Variants in DGKB observed in about 807,000 individuals in gnomAD.
The protein encoded by DGKB is diacylglycerol kinase beta, also known as 90 kDa diacylglycerol kinase.
In DGKB, 67 loss-of-function variants were observed where a neutral mutation model predicts 114.3. That is an observed-to-expected ratio of 0.59 (90% CI 0.48 to 0.72). The LOEUF (loss-of-function observed/expected upper bound fraction) is 0.72, where lower values mean the gene tolerates loss of function less well. Ranked by LOEUF, DGKB falls within the 30% of genes least tolerant of loss-of-function variation. DGKB has a pLI of 0.00. For missense variants in DGKB, 907 were observed against 975.2 expected (o/e 0.93, Z 0.93); for synonymous variants, 398 against 323.1 (o/e 1.23, Z -2.49).
intron 1 of DGKB, among the ~76,000 whole-genome samples, chr7:14,958,476 C>CACACACACACACACACA (rs3036023): frequency 4.7e-5 from 7 of 148,644 alleles, no homozygotes; most frequent in South Asian, 2.1e-4. Context: ...CACACACACA[C>CACACACACACACACACA]CCCGTCCAGG....
chr7:14,543,998 TTAAA>T (rs1406090530), intron 20 of DGKB, among the ~76,000 whole-genome samples: 4 of 152,238 alleles, frequency 2.6e-5, no homozygotes, highest in East Asian at 1.9e-4. Context: ...TCATGTCTTA[TTAAA>T]TAAATTGTAT....
intron 12 of DGKB, among the ~76,000 whole-genome samples, chr7:14,676,805 T>C (rs1819941315): frequency 6.6e-6 from 1 of 151,992 alleles, no homozygotes. Context: ...GCATTGAAGA[T>C]GCTGCCTCTT....
chr7:14,679,013 T>C (rs1238886735), intron 12 of DGKB, among the ~76,000 whole-genome samples: 1 of 151,928 alleles, frequency 6.6e-6, no homozygotes, highest in Non-Finnish European at 1.5e-5. Context: ...TAACAGTCTT[T>C]GGGAATAAAA....
upstream of DGKB, among the ~76,000 whole-genome samples, chr7:14,906,396 A>T (rs1783704705): frequency 6.6e-6 from 1 of 151,358 alleles, no homozygotes; most frequent in African/African-American, 2.4e-5. Context: ...ACTGTGAAGT[A>T]TCAGAAGTTA....
At chr7:14,664,060 T>G (rs79945497) in intron 13 of DGKB, among the ~76,000 whole-genome samples, 10,948 of 151,966 alleles carry the variant, frequency 0.072, 519 homozygotes, top group South Asian at 0.16. Context: ...TACTGTCAAG[T>G]AATAACTATT....
At chr7:14,881,727 C>G (rs1854267364) in intron 1 of DGKB, among the ~76,000 whole-genome samples, 1 of 152,044 alleles carries the variant, frequency 6.6e-6, no homozygotes. Context: ...ATGTTGAACT[C>G]TTTAAGAGCC....
intron 13 of DGKB, among the ~76,000 whole-genome samples, chr7:14,671,746 A>C (rs934141368): frequency 3.9e-5 from 6 of 152,122 alleles, no homozygotes; most frequent in African/African-American, 1.2e-4. Flanking sequence ...TCAAAAATGC[A>C]TCTAAACCAG....
chr7:14,430,163 G>A (rs1461378480), intron 21 of DGKB, among the ~76,000 whole-genome samples: 1 of 152,052 alleles, frequency 6.6e-6, no homozygotes, highest in Non-Finnish European at 1.5e-5. Context: ...TGGCTTCCTT[G>A]CACTTTCACA....
chr7:14,291,816 C>T (rs1272557391), intron 23 of DGKB, among the ~76,000 whole-genome samples: 2 of 152,092 alleles, frequency 1.3e-5, no homozygotes, highest in African/African-American at 4.8e-5. Flanking sequence ...CCCTATGCGG[C>T]AAAGATCTTG....
intron 20 of DGKB, among the ~76,000 whole-genome samples, chr7:14,502,014 A>G (rs888992985): frequency 6.6e-6 from 1 of 151,892 alleles, no homozygotes; most frequent in Non-Finnish European, 1.5e-5. Flanking sequence ...GAGGGTGGAC[A>G]TTGTAGCTTG....
intron 25 of DGKB, among the ~76,000 whole-genome samples, chr7:14,154,128 A>G (rs1260427566): frequency 2.6e-5 from 4 of 151,644 alleles, no homozygotes; most frequent in Non-Finnish European, 5.9e-5. Flanking sequence ...TCTGGCATAT[A>G]AACAAAAGGA....
chr7:14,736,253 G>C, intron 4 of DGKB, 59 bp from the exon 5 acceptor site: 1 of 1,147,018 alleles, frequency 8.7e-7, no homozygotes, highest in Non-Finnish European at 1.2e-6. Flanking sequence ...AAAATTCTGT[G>C]CTGTGTTCAA....
intron 5 of DGKB, among the ~76,000 whole-genome samples, chr7:14,720,730 A>G (rs961497804): frequency 1.3e-5 from 2 of 152,150 alleles, no homozygotes; most frequent in Non-Finnish European, 2.9e-5. Flanking sequence ...AGTTATCAAC[A>G]GAGACATATA....
At chr7:14,233,750 G>A (rs1448443030) in intron 23 of DGKB, among the ~76,000 whole-genome samples, 1 of 152,014 alleles carries the variant, frequency 6.6e-6, no homozygotes, top group Non-Finnish European at 1.5e-5. Flanking sequence ...TGTCAAAGCA[G>A]AGAAACCAGA....
intron 23 of DGKB, among the ~76,000 whole-genome samples, chr7:14,288,219 GTT>G (rs57856236): frequency 1.7e-3 from 185 of 106,350 alleles, no homozygotes; most frequent in African/African-American, 6.2e-3. Context: ...TTGATAATCT[GTT>G]TTTTTTTTTT....
intron 1 of DGKB, among the ~76,000 whole-genome samples, chr7:14,860,600 TAA>T (rs1244842142): frequency 6.6e-6 from 1 of 151,970 alleles, no homozygotes; most frequent in Non-Finnish European, 1.5e-5. Flanking sequence ...ATGTAAATCC[TAA>T]GAGACGAGTA....
intron 20 of DGKB, among the ~76,000 whole-genome samples, chr7:14,557,953 T>C (rs1304960333): frequency 2.0e-5 from 3 of 151,676 alleles, no homozygotes; most frequent in Non-Finnish European, 4.4e-5. Flanking sequence ...TTTACTATTT[T>C]GTTCTTTTAC....
At chr7:14,425,014 C>T (rs542309707) in intron 21 of DGKB, among the ~76,000 whole-genome samples, 7 of 152,014 alleles carry the variant, frequency 4.6e-5, no homozygotes, top group Non-Finnish European at 8.8e-5. Context: ...AGATCTATAA[C>T]TTGGTTGATG....
intron 23 of DGKB, among the ~76,000 whole-genome samples, chr7:14,319,215 C>T (rs555897018): frequency 6.6e-6 from 1 of 151,440 alleles, no homozygotes; most frequent in African/African-American, 2.4e-5. Context: ...TGCAGCACAC[C>T]AGCGTGGCAC....
Sources: allele counts gnomAD v4.1 joint callset (sites outside exome capture counted in the v4.1 genomes callset), GRCh38; gene constraint gnomAD v4.1.1; transcripts MANE v1.5; gene names NCBI Gene and HGNC (gene_info 2026-07-23, HGNC 2026-07-21).